RTCB: variants seen among roughly 807,000 people sequenced by gnomAD.
RTCB encodes RNA-splicing ligase RTCB.
A neutral mutation model predicts 58.2 loss-of-function variants in RTCB; 32 were observed. That is an observed-to-expected ratio of 0.55 (90% confidence interval 0.41 to 0.74). RTCB has a LOEUF of 0.74. Among genes scored for constraint, RTCB ranks in the 30% least tolerant of loss-of-function variants. RTCB has a pLI of 0.00. For synonymous variants in RTCB, 247 were observed against 218.6 expected (o/e 1.13, Z -1.15); for missense variants, 523 against 639.0 (o/e 0.82, Z 1.96).
At chr22:32,388,834 T>C (rs973610049) in intron 11 of RTCB, among the ~76,000 whole-genome samples, 3 of 152,136 alleles carry the variant, frequency 2.0e-5, no homozygotes, top group African/African-American at 7.2e-5. Context: ...TTTCTGAAAC[T>C]TTCCCACTGT....
At chr22:32,390,672 T>C (rs1933140818) in intron 11 of RTCB, among the ~76,000 whole-genome samples, 3 of 152,102 alleles carry the variant, frequency 2.0e-5, no homozygotes, top group Non-Finnish European at 4.4e-5. Context: ...ATGGTCTTGA[T>C]CTCCTCACCT....
In RTCB at chr22:32,396,174, C is replaced by T. The variant is rs778448548; in HGVS notation, c.890G>A (p.Arg297Gln). 1.1e-5 allele frequency: 18 copies of T among 1,614,082 alleles called. No individual in the cohort carries two copies. The highest frequency in any genetic ancestry group is 3.3e-5 in the Admixed American group (2 of 60,008). The change falls in exon 8 of 12, where the codon CGA (arginine) becomes CAA (glutamine). Residue 297 changes from arginine (R) to glutamine (Q), a missense_variant. Transcript: ENST00000216038. Reference sequence around the variant, plus strand: ...GTCTTGACCCTCTGGGGAAGCGATTCGAGCACAAGCCAACTGCCGATCATT... The same window carrying T: ...GTCTTGACCCTCTGGGGAAGCGATTTGAGCACAAGCCAACTGCCGATCATT... ...IVNDRQLACARIASPEGQDYL... is the reference protein window; with the variant it reads ...IVNDRQLACAQIASPEGQDYL...
intron 1 of RTCB, among the ~76,000 whole-genome samples, chr22:32,411,743 G>A (rs1933528099): frequency 6.6e-6 from 1 of 152,182 alleles, no homozygotes; most frequent in African/African-American, 2.4e-5. Flanking sequence ...TGAAGTTTCT[G>A]TGAACGTAAA....
rs573174741 is a variant in RTCB, at chr22:32,400,285, G to C, written c.498-526C>G. Among the ~76,000 whole-genome samples, 103 of 152,266 alleles carry C rather than the reference G, an allele frequency of 6.8e-4. 1 individual carries two copies. The South Asian group carries it at 0.021, about 31-fold the overall frequency. ...GTTTTCCCATCTTCACAGAAGTTCT[G>C]AGTGGCTTACGGCACCTCCATTTTG... On this transcript the variant is annotated intron_variant, in intron 5 of 11. Transcript: ENST00000216038.
rs1406599901 is a variant in RTCB, at chr22:32,392,333, A to G, written c.1317T>C (p.Ser439=). 1.2e-6 allele frequency: 2 copies of G among 1,614,142 alleles called. No individual in the cohort carries two copies. Among genetic ancestry groups the G allele is most frequent in the East Asian group, 2.2e-5 (1 of 44,886 alleles). ...CATCCTGGAAATCTAAATTACGTCG[A>G]GATTTTGCTCGGGACAATGCACGGC... The part of the protein sequence containing the change: ...GAGRALSRAK[S]RRNLDFQDVL... Residue 439 remains serine, a synonymous_variant, in exon 11 of 12, where the codon TCT becomes TCC. Transcript: ENST00000216038.
chr22:32,397,353 C>G (rs1933262848), intron 7 of RTCB, among the ~76,000 whole-genome samples: 1 of 152,202 alleles, frequency 6.6e-6, no homozygotes, highest in African/African-American at 2.4e-5. Flanking sequence ...CTGTGAGATC[C>G]AGCTCAACAC....
intron 6 of RTCB, 149 bp from the exon 7 acceptor site, chr22:32,398,249 T>G: frequency 1.2e-6 from 1 of 844,806 alleles, no homozygotes; most frequent in Non-Finnish European, 1.8e-6. Context: ...GCTATAGAAG[T>G]GTTTCATTTA....
At chr22:32,393,219 A>G (rs1933185161) in intron 10 of RTCB, among the ~76,000 whole-genome samples, 1 of 152,338 alleles carries the variant, frequency 6.6e-6, no homozygotes, top group Middle Eastern at 3.4e-3. Flanking sequence ...TACAAGTGTG[A>G]GCAACCATGC....
chr22:32,408,291 G>A, intron 2 of RTCB, 49 bp from the exon 3 acceptor site: 1 of 1,439,414 alleles, frequency 6.9e-7, no homozygotes, highest in Non-Finnish European at 9.8e-7. Flanking sequence ...TTGATTTTTA[G>A]CATGAATTAT....
intron 1 of RTCB, among the ~76,000 whole-genome samples, chr22:32,410,921 A>T (rs1354263814): frequency 2.0e-5 from 3 of 152,110 alleles, no homozygotes; most frequent in African/African-American, 7.2e-5. Context: ...TTGCCCAGGC[A>T]GGTCTCCAAA....
At chr22:32,394,036 T>G (rs760637693) in intron 9 of RTCB, 34 bp from the exon 10 acceptor site, 10 of 1,451,242 alleles carry the variant, frequency 6.9e-6, no homozygotes, top group Non-Finnish European at 9.7e-6. Flanking sequence ...ATGTTAAAAT[T>G]CAGAAAAACA....
intron 10 of RTCB, among the ~76,000 whole-genome samples, chr22:32,392,886 G>A (rs746828908): frequency 2.6e-5 from 4 of 152,182 alleles, no homozygotes; most frequent in Admixed American, 2.0e-4. Flanking sequence ...AAAAGGGGCC[G>A]GCAAACTACG....
At chr22:32,407,952 G>C (rs965991139) in intron 3 of RTCB, 18 of 546,296 alleles carry the variant, frequency 3.3e-5, no homozygotes, top group Non-Finnish European at 6.0e-5. Flanking sequence ...ACAGGGTCTT[G>C]CCATGTTGCC....
intron 1 of RTCB, 39 bp from the exon 2 acceptor site, chr22:32,408,872 T>G (rs1035490743): frequency 6.9e-7 from 1 of 1,449,810 alleles, no homozygotes; most frequent in Non-Finnish European, 9.7e-7. Context: ...TCTGAGTACA[T>G]GCGCGGCAAG....
At chr22:32,398,446 G>A (rs973519079) in intron 6 of RTCB, among the ~76,000 whole-genome samples, 6 of 152,076 alleles carry the variant, frequency 3.9e-5, no homozygotes, top group Non-Finnish European at 7.3e-5. Flanking sequence ...ACATACCAGA[G>A]CCTGTCGAGG....
chr22:32,409,421 A>T (rs902307043), intron 1 of RTCB, among the ~76,000 whole-genome samples: 4 of 152,212 alleles, frequency 2.6e-5, no homozygotes, highest in Non-Finnish European at 4.4e-5. Flanking sequence ...TAATTTTTTA[A>T]AAAATCTATA....
At chr22:32,388,202 CAGAG>C (rs369658087) in intron 11 of RTCB, 103 bp from the exon 12 acceptor site, 1 of 682,962 alleles carries the variant, frequency 1.5e-6, no homozygotes, top group Non-Finnish European at 2.5e-6. Flanking sequence ...TAAAATAATA[CAGAG>C]AGTTTTTTTT....
chr22:32,396,215 T>C lies in RTCB; in HGVS notation c.849A>G (p.Arg283=). Residue 283 remains arginine, a synonymous_variant, in exon 8 of 12, where the codon AGA becomes AGG. Coordinates refer to ENST00000216038, the MANE Select transcript of RTCB (RefSeq NM_014306.5). ...ALVAMEKAMK[R]DKIIVNDRQL... ...GCCGATCATTGACTATAATCTTGTCTCTCTTCATGGCCTTCTCCATAGCTA... is the reference window on the plus strand; with the variant it reads ...GCCGATCATTGACTATAATCTTGTCCCTCTTCATGGCCTTCTCCATAGCTA... The C allele has an allele frequency of 6.2e-7, 1 of 1,614,158 alleles. No homozygotes were observed.
Position 32,408,305 on chromosome 22 carries a change from C to T in RTCB, c.173-63G>A. 3.6e-6 allele frequency: 5 copies of T among 1,370,364 alleles called. No homozygotes were observed. In the South Asian group the frequency reaches 4.8e-5, roughly 13 times the overall value. The allele number at this position is 1,370,364 out of a possible 1,614,324, so 84.9% of individuals were successfully genotyped here. A position where few individuals can be genotyped will look rare whatever the true frequency, so the allele number is the denominator to read the frequency against. ...CTTGATTTTTAGCATGAATTATATT[C>T]ATGTTTTTAGACTGTATAACGTGAA... On this transcript the variant is annotated intron_variant, in intron 2 of 11. Transcript: ENST00000216038.
Sources: gnomAD v4.1 joint callset for allele counts (sites outside exome capture counted in the v4.1 genomes callset) on GRCh38, gnomAD v4.1.1 for gene constraint, MANE v1.5 for transcripts, NCBI Gene and HGNC (gene_info 2026-07-23, HGNC 2026-07-21) for gene names.